Variants in LARGE1 observed in about 807,000 individuals in gnomAD.
The protein encoded by LARGE1 is xylosyl- and glucuronyltransferase LARGE1.
LARGE1 carries 43 observed loss-of-function variants against 87.6 expected under a neutral mutation model. The ratio of observed to expected loss-of-function variants is 0.49; its 90% CI spans 0.38 to 0.63. LARGE1 has a LOEUF of 0.63. Ranked by LOEUF, LARGE1 falls within the 30% of genes least tolerant of loss-of-function variation. The pLI is 0.00. For synonymous variants in LARGE1, 434 were observed against 394.6 expected (o/e 1.10, Z -1.18); for missense variants, 802 against 1,000.2 (o/e 0.80, Z 2.67).
chr22:33,547,358 CG>C (rs2077389194), intron 6 of LARGE1, among the ~76,000 whole-genome samples: 1 of 118,674 alleles, frequency 8.4e-6, no homozygotes, highest in Non-Finnish European at 2.0e-5. Context: ...ACAGGGTTTG[CG>C]CTACTATGGG....
chr22:33,333,931 C>T (rs552063759), intron 10 of LARGE1, among the ~76,000 whole-genome samples: 7 of 151,296 alleles, frequency 4.6e-5, no homozygotes, highest in South Asian at 4.2e-4. Context: ...CCAGCCTGGC[C>T]GACACAGCGA....
the LARGE1 span, among the ~76,000 whole-genome samples, chr22:33,102,822 C>A: frequency 1.3e-5 from 2 of 152,110 alleles, no homozygotes; most frequent in Non-Finnish European, 2.9e-5. Context: ...CCTGCACTCC[C>A]GGCCCTTTCC....
downstream of LARGE1, among the ~76,000 whole-genome samples, chr22:33,160,224 A>G (rs1415524206): frequency 6.6e-6 from 1 of 152,208 alleles, no homozygotes; most frequent in Non-Finnish European, 1.5e-5. Context: ...TCTTGGTTTT[A>G]GTGGGAACCT....
intron 6 of LARGE1, among the ~76,000 whole-genome samples, chr22:33,491,903 C>T (rs574000895): frequency 6.6e-6 from 1 of 152,132 alleles, no homozygotes; most frequent in Admixed American, 6.5e-5. Flanking sequence ...ATTCCCGAGG[C>T]AGCTGAAATG....
At chr22:33,886,128 C>T (rs1667069043) in intron 1 of LARGE1, among the ~76,000 whole-genome samples, 1 of 152,174 alleles carries the variant, frequency 6.6e-6, no homozygotes, top group African/African-American at 2.4e-5. Context: ...ACCACGCAGC[C>T]AAGCTGAGGT....
chr22:33,218,271 G>C (rs1040945510), intron 11 of LARGE1, among the ~76,000 whole-genome samples: 2 of 152,062 alleles, frequency 1.3e-5, no homozygotes, highest in Non-Finnish European at 2.9e-5. Context: ...TCATTTTTCT[G>C]ACATTTAAGT....
chr22:33,357,603 T>C (rs1456064711), intron 9 of LARGE1, among the ~76,000 whole-genome samples: 1 of 151,984 alleles, frequency 6.6e-6, no homozygotes, highest in East Asian at 1.9e-4. Flanking sequence ...GAGACCAGCC[T>C]GACCAACATG....
chr22:33,308,352 C>G (rs1935179836), intron 11 of LARGE1, among the ~76,000 whole-genome samples: 1 of 152,202 alleles, frequency 6.6e-6, no homozygotes, highest in Non-Finnish European at 1.5e-5. Context: ...GCATATCACA[C>G]AGCTTGCAAC....
chr22:33,901,525 G>A (rs1230665394), intron 1 of LARGE1, among the ~76,000 whole-genome samples: 1 of 152,168 alleles, frequency 6.6e-6, no homozygotes, highest in Non-Finnish European at 1.5e-5. Flanking sequence ...CCCCTAATTA[G>A]TTGGGTGAGG....
intron 10 of LARGE1, among the ~76,000 whole-genome samples, chr22:33,329,497 G>C (rs1937514590): frequency 6.6e-6 from 1 of 151,996 alleles, no homozygotes. Context: ...GCCCAGAAAG[G>C]GTTGTTCTGA....
chr22:33,384,150 G>A lies in LARGE1; in HGVS notation c.1005+42C>T, dbSNP rs543972755. ...AAGTTTCTTTGAGAAACAGCACCAAGCACACTCAGGAATAGCTGCACCTTC... is the reference window on the plus strand; with the variant it reads ...AAGTTTCTTTGAGAAACAGCACCAAACACACTCAGGAATAGCTGCACCTTC... On this transcript the variant is annotated intron_variant, in intron 8 of 14. Coordinates refer to ENST00000397394, the MANE Select transcript of LARGE1 (RefSeq NM_133642.5). 66 of 1,328,078 alleles carry A rather than the reference G, an allele frequency of 5.0e-5. No homozygotes were observed. In the East Asian group the frequency reaches 1.5e-3, roughly 30 times the overall value. The allele number at this position is 1,328,078 out of a possible 1,614,324, so 82.3% of individuals were successfully genotyped here. A position where few individuals can be genotyped will look rare whatever the true frequency, so the allele number is the denominator to read the frequency against.
chr22:33,128,650 G>T, the LARGE1 span, among the ~76,000 whole-genome samples: 55,053 of 148,488 alleles, frequency 0.37, 10,376 homozygotes, highest in South Asian at 0.46. Context: ...CTCCAGCCTG[G>T]GGGACAAGAG....
rs142653958 is a variant in LARGE1 at position 33,593,884 on chromosome 22, A to G, written c.615+10551T>C. ...ACAGATGAGTTGCTGTTTTATTTCC[A>G]TCGGGTAGCGCTGCTCAAGAGTCAG... On this transcript the variant is annotated intron_variant, in intron 5 of 14. Transcript: ENST00000397394. Among the ~76,000 whole-genome samples, 296 of 152,302 alleles carry G rather than the reference A, an allele frequency of 1.9e-3. 3 individuals are homozygous for G. The highest frequency in any genetic ancestry group is 6.4e-3 in the African/African-American group (268 of 41,564).
intron 1 of LARGE1, among the ~76,000 whole-genome samples, chr22:33,872,014 T>G (rs1457021383): frequency 1.6e-5 from 2 of 128,390 alleles, no homozygotes; most frequent in Non-Finnish European, 3.5e-5. Context: ...GAAAACAATA[T>G]TGGGGAAAGG....
At chr22:33,657,946 AAAAG>A (rs923800094) in intron 2 of LARGE1, among the ~76,000 whole-genome samples, 1 of 152,274 alleles carries the variant, frequency 6.6e-6, no homozygotes, top group Middle Eastern at 3.4e-3. Flanking sequence ...TGAAAAAAAA[AAAAG>A]AGAAACAGGC....
the LARGE1 span, among the ~76,000 whole-genome samples, chr22:33,155,820 G>C: frequency 3.4e-3 from 511 of 152,284 alleles, 2 homozygotes; most frequent in Non-Finnish European, 5.3e-3. Context: ...AAAGGTTTAG[G>C]AGGGAAAAAT....
chr22:33,372,705 G>A (rs1271138355), intron 9 of LARGE1, among the ~76,000 whole-genome samples: 1 of 152,098 alleles, frequency 6.6e-6, no homozygotes, highest in Non-Finnish European at 1.5e-5. Flanking sequence ...TTTGGGTGGG[G>A]ACACAGCCAA....
In LARGE1 at chr22:33,910,524, C is replaced by G. The variant is rs375928851; in HGVS notation, c.-83+9471G>C. ...GCTACCCAACACACTGTCCTCTGGGCCCTTTGACTTTCACTCATCCCCTTA... is the reference window on the plus strand; with the variant it reads ...GCTACCCAACACACTGTCCTCTGGGGCCTTTGACTTTCACTCATCCCCTTA... On this transcript the variant is annotated intron_variant, in intron 1 of 14. Transcript: ENST00000397394. 2.6e-5 allele frequency among the ~76,000 whole-genome samples: 4 copies of G among 152,280 alleles called. No individual in the cohort carries two copies. The East Asian group carries it at 7.7e-4, about 29-fold the overall frequency.
chr22:33,771,766 C>G (rs1272906334), intron 1 of LARGE1, among the ~76,000 whole-genome samples: 1 of 152,180 alleles, frequency 6.6e-6, no homozygotes, highest in Non-Finnish European at 1.5e-5. Context: ...CAGACCTCAA[C>G]TCCTGATTTC....
Sources: allele counts gnomAD v4.1 joint callset (sites outside exome capture counted in the v4.1 genomes callset), GRCh38; gene constraint gnomAD v4.1.1; transcripts MANE v1.5; gene names NCBI Gene and HGNC (gene_info 2026-07-23, HGNC 2026-07-21).